Variants in SLC6A13 observed in about 807,000 individuals in gnomAD.
The protein encoded by SLC6A13 is solute carrier family 6 member 13, also known as sodium- and chloride-dependent GABA transporter 2.
SLC6A13 carries 69 observed loss-of-function variants against 72.9 expected under a neutral mutation model. The observed-to-expected ratio is 0.95, with a 90% CI of 0.78 to 1.16. The LOEUF (loss-of-function observed/expected upper bound fraction) is 1.16, where lower values mean the gene tolerates loss of function less well. SLC6A13 is among the 50% of genes most tolerant of loss of function. SLC6A13 has a pLI of 0.00. For synonymous variants in SLC6A13, 303 were observed against 303.0 expected, an observed-to-expected ratio of 1.00 and a Z score of 0.00; for missense variants, 735 against 760.5, an observed-to-expected ratio of 0.97 and a Z score of 0.39.
At chr12:232,988 T>C (rs1385912363) in intron 7 of SLC6A13, among the ~76,000 whole-genome samples, 2 of 152,244 alleles carry the variant, frequency 1.3e-5, no homozygotes, top group Non-Finnish European at 2.9e-5. Context: ...CTGTCGCCTC[T>C]CTTGCTCCCT....
At position 235,210 on chromosome 12, in the gene SLC6A13, C is replaced by A. The variant is rs140273637; in HGVS notation, c.711G>T (p.Thr237=). The A allele has an allele frequency of 6.2e-7, 1 of 1,614,116 alleles. No homozygotes were observed. ...VKSTGKVVYF[T]ATFPYLMLVV... ...CCAGCATGAGGTAAGGAAATGTGGC[C>A]GTGAAGTACACCACCTGGTCATGGG... Residue 237 remains threonine, a synonymous_variant, in exon 7 of 15, where the codon ACG becomes ACT. Transcript: ENST00000343164.
rs768828072 is a variant in SLC6A13 at position 259,993 on chromosome 12, G to A, written c.60C>T (p.Val20=). 2.5e-6 allele frequency: 4 copies of A among 1,614,022 alleles called. No homozygotes were observed. The highest frequency in any genetic ancestry group is 2.5e-6 in the Non-Finnish European group (3 of 1,180,040). The change falls in exon 2 of 15, where the codon GTC becomes GTT. Residue 20 remains valine, a synonymous_variant. Transcript: ENST00000343164. ...SNGETKPVYP[V]MEKKEEDGTL... Reference sequence around the variant, plus strand: ...TGCCATCTTCCTCCTTCTTTTCCATGACTGGATACACTGGTTTTGTCTCTC... The same window carrying A: ...TGCCATCTTCCTCCTTCTTTTCCATAACTGGATACACTGGTTTTGTCTCTC...
chr12:221,895 C>G (rs111587262), intron 13 of SLC6A13, among the ~76,000 whole-genome samples: 128 of 152,372 alleles, frequency 8.4e-4, no homozygotes, highest in African/African-American at 3.0e-3. Context: ...GCCATGCCTC[C>G]TTCTCCCTCT....
chr12:231,559 G>A (rs1385145766), intron 7 of SLC6A13, among the ~76,000 whole-genome samples: 2 of 152,134 alleles, frequency 1.3e-5, no homozygotes, highest in East Asian at 3.9e-4. Flanking sequence ...CAGAGAAGAA[G>A]GCTGCTCAGG....
chr12:245,605 G>T (rs1222840435), intron 2 of SLC6A13, among the ~76,000 whole-genome samples: 4 of 151,640 alleles, frequency 2.6e-5, no homozygotes, highest in African/African-American at 9.7e-5. Flanking sequence ...GCTTGAACCT[G>T]GGAGGCAGAG....
intron 7 of SLC6A13, 23 bp downstream of exon 7, chr12:235,067 G>T: frequency 1.2e-6 from 2 of 1,614,028 alleles, no homozygotes; most frequent in Non-Finnish European, 1.7e-6. Flanking sequence ...GTCACGTGAG[G>T]GCTCCTGTCT....
At chr12:228,069 G>C (rs1941543079) in intron 7 of SLC6A13, among the ~76,000 whole-genome samples, 1 of 152,094 alleles carries the variant, frequency 6.6e-6, no homozygotes, top group Admixed American at 6.5e-5. Context: ...CAGGAACACT[G>C]TCCCTAATAG....
chr12:222,045 C>G (rs1941234921), intron 13 of SLC6A13, among the ~76,000 whole-genome samples: 1 of 152,246 alleles, frequency 6.6e-6, no homozygotes, highest in Non-Finnish European at 1.5e-5. Context: ...CTGCAACTTT[C>G]TAGCTTGGGC....
At chr12:237,440 C>T in intron 5 of SLC6A13, 150 bp from the exon 6 acceptor site, 1 of 831,824 alleles carries the variant, frequency 1.2e-6, no homozygotes, top group Non-Finnish European at 1.9e-6. Context: ...TAGCCCAGAG[C>T]TGGAGGTGGA....
chr12:226,609 CG>C, intron 8 of SLC6A13, 95 bp from the exon 9 acceptor site: 1 of 1,460,488 alleles, frequency 6.8e-7, no homozygotes, highest in Non-Finnish European at 9.2e-7. Context: ...CCCCTCCTGG[CG>C]GACACTGTCC....
At position 226,448 on chromosome 12, in the gene SLC6A13, G is replaced by A. The variant is rs771846296; in HGVS notation, c.1002C>T (p.Ser334=). The part of the protein sequence containing the change: ...TSFVAGFAIF[S]ILGFMSQEQG... ...GCTCCTGAGACATGAAGCCCAGGAT[G>A]GAGAAGATGGCAAAGCCGGCCACAA... is the stretch of plus-strand genomic sequence containing the variant. Residue 334 remains serine, a synonymous_variant, in exon 9 of 15, where the codon TCC becomes TCT. Coordinates refer to ENST00000343164, the MANE Select transcript of SLC6A13 (RefSeq NM_016615.5). 1.2e-6 allele frequency: 2 copies of A among 1,614,112 alleles called. No homozygotes were observed. Among genetic ancestry groups the A allele is most frequent in the African/African-American group, 1.3e-5 (1 of 75,050 alleles).
intron 7 of SLC6A13, among the ~76,000 whole-genome samples, chr12:232,160 C>G (rs1373884799): frequency 1.3e-5 from 2 of 152,180 alleles, no homozygotes; most frequent in African/African-American, 4.8e-5. Flanking sequence ...AATAGCTGAT[C>G]AGGACAAAGC....
At chr12:259,317 T>G (rs1171865781) in intron 2 of SLC6A13, 1 of 998,252 alleles carries the variant, frequency 1.0e-6, no homozygotes, top group East Asian at 1.0e-4. Context: ...ACAGAGCTAC[T>G]ACTTATTACT....
At position 242,636 on chromosome 12, in the gene SLC6A13, GC is replaced by G; in HGVS notation, c.455del (p.Gly152AlafsTer21). On this transcript the variant is annotated frameshift_variant, in exon 4 of 15. Transcript: ENST00000343164. LOFTEE classifies it high-confidence loss of function. ...SSFTIDLPWG[G>X]CYHEWNTEHC... ...TACCTGTGTTCCACTCATGGTAGCA[GC>G]CGCCCCAGGGCAGGTCGATGGTGAA... 6.2e-7 allele frequency: 1 copy of G among 1,613,874 alleles called. No homozygotes were observed. Among genetic ancestry groups the G allele is most frequent in the South Asian group, 1.1e-5 (1 of 90,974 alleles).
intron 13 of SLC6A13, among the ~76,000 whole-genome samples, chr12:222,052 G>A (rs962621931): frequency 1.3e-5 from 2 of 152,330 alleles, no homozygotes; most frequent in Admixed American, 6.5e-5. Context: ...TTTCTAGCTT[G>A]GGCCAGTGGC....
chr12:259,522 G>A (rs541321439), intron 2 of SLC6A13: 36 of 1,343,350 alleles, frequency 2.7e-5, no homozygotes, highest in East Asian at 5.4e-5. Flanking sequence ...TTGCAGGAGC[G>A]GCAATTGATG....
intron 2 of SLC6A13, among the ~76,000 whole-genome samples, chr12:245,959 T>C (rs748325461): frequency 4.7e-5 from 7 of 150,182 alleles, no homozygotes; most frequent in Admixed American, 4.6e-4. Flanking sequence ...CTACTAAAAA[T>C]ACAAAAAAAT....
chr12:237,836 G>A, intron 5 of SLC6A13, 90 bp downstream of exon 5: 1 of 950,514 alleles, frequency 1.1e-6, no homozygotes, highest in South Asian at 1.4e-5. Context: ...TTCCCTTGCT[G>A]TCCATTGAGA....
At chr12:248,794 T>G (rs1374272733) in intron 2 of SLC6A13, among the ~76,000 whole-genome samples, 1 of 152,222 alleles carries the variant, frequency 6.6e-6, no homozygotes, top group East Asian at 1.9e-4. Flanking sequence ...TTAGTTGACA[T>G]TTATTGAACA....
Sources: allele counts gnomAD v4.1 joint callset (sites outside exome capture counted in the v4.1 genomes callset), GRCh38; gene constraint gnomAD v4.1.1; transcripts MANE v1.5; gene names NCBI Gene and HGNC (gene_info 2026-07-23, HGNC 2026-07-21).